MAN1A1: variants seen among roughly 807,000 people sequenced by gnomAD.
MAN1A1 encodes mannosyl-oligosaccharide 1,2-alpha-mannosidase IA.
MAN1A1 carries 29 observed loss-of-function variants against 70.8 expected under a neutral mutation model. The ratio of observed to expected loss-of-function variants is 0.41; its 90% CI spans 0.31 to 0.56. The LOEUF (loss-of-function observed/expected upper bound fraction) is 0.56. Ranked by LOEUF, MAN1A1 falls within the 20% of genes least tolerant of loss-of-function variation. The pLI is 0.29. For synonymous variants in MAN1A1, 349 were observed against 330.1 expected (o/e 1.06, Z -0.62); for missense variants, 747 against 841.3 (o/e 0.89, Z 1.39).
intron 2 of MAN1A1, among the ~76,000 whole-genome samples, chr6:119,308,373 T>A (rs557557369): frequency 1.2e-4 from 18 of 152,320 alleles, no homozygotes; most frequent in African/African-American, 4.3e-4. Context: ...ATGGTAGTGT[T>A]TTCAGGATTT....
At chr6:119,205,915 GAAC>G (rs377267200) in intron 6 of MAN1A1, among the ~76,000 whole-genome samples, 5 of 152,322 alleles carry the variant, frequency 3.3e-5, no homozygotes, top group Non-Finnish European at 7.3e-5. Flanking sequence ...TGCAATGACA[GAAC>G]AAGAACTAAG....
At chr6:119,314,616 C>G (rs1221579741) in intron 2 of MAN1A1, among the ~76,000 whole-genome samples, 1 of 152,132 alleles carries the variant, frequency 6.6e-6, no homozygotes, top group African/African-American at 2.4e-5. Flanking sequence ...CACTTTTTTG[C>G]TGCTTGCAAA....
At chr6:119,322,667 T>C (rs984905642) in intron 2 of MAN1A1, among the ~76,000 whole-genome samples, 3 of 152,234 alleles carry the variant, frequency 2.0e-5, no homozygotes, top group African/African-American at 4.8e-5. Context: ...TCTTCCCCAG[T>C]GTTTAATCCG....
intron 11 of MAN1A1, among the ~76,000 whole-genome samples, chr6:119,185,285 G>A (rs1773256198): frequency 1.3e-5 from 2 of 152,166 alleles, no homozygotes; most frequent in African/African-American, 4.8e-5. Flanking sequence ...GATTAATGGA[G>A]TGCTGTTAAC....
rs373387072 is a variant in MAN1A1, at chr6:119,297,804, G to GTTT, written c.816+4181_816+4183dup. On this transcript the variant is annotated intron_variant, in intron 4 of 12. Coordinates refer to ENST00000368468, the MANE Select transcript of MAN1A1 (RefSeq NM_005907.4). ...GCCCAGGCTGGAGTTTTTTTGTTTTGTTTTGTTTTTTAAATAGAGATGGCG... is the reference window on the plus strand; with the variant it reads ...GCCCAGGCTGGAGTTTTTTTGTTTTGTTTTTTTGTTTTTTAAATAGAGATGGCG... Among the ~76,000 whole-genome samples the GTTT allele has an allele frequency of 1.4e-3, 132 of 94,220 alleles. 1 individual carries two copies. The highest frequency in any genetic ancestry group is 2.0e-3 in the Admixed American group (16 of 7,968). The allele number at this position is 94,220 out of a possible 152,430, so 61.8% of individuals were successfully genotyped here. A position where few individuals can be genotyped will look rare whatever the true frequency, so the allele number is the denominator to read the frequency against.
intron 5 of MAN1A1, among the ~76,000 whole-genome samples, chr6:119,256,764 C>T (rs1775471739): frequency 6.6e-6 from 1 of 152,106 alleles, no homozygotes; most frequent in Admixed American, 6.5e-5. Context: ...AAAATGGGAA[C>T]ACTCGATAAG....
chr6:119,293,253 G>C (rs879933006), intron 4 of MAN1A1, among the ~76,000 whole-genome samples: 1 of 152,072 alleles, frequency 6.6e-6, no homozygotes, highest in Non-Finnish European at 1.5e-5. Flanking sequence ...TATATCTTCA[G>C]CTAGACATCA....
At chr6:119,289,182 G>C (rs1776464942) in intron 5 of MAN1A1, among the ~76,000 whole-genome samples, 2 of 151,842 alleles carry the variant, frequency 1.3e-5, no homozygotes, top group South Asian at 4.1e-4. Context: ...ATTTAGAATA[G>C]ATACATATGT....
chr6:119,342,530 TTAAG>T (rs1218272880), intron 2 of MAN1A1, among the ~76,000 whole-genome samples: 1 of 152,164 alleles, frequency 6.6e-6, no homozygotes, highest in Non-Finnish European at 1.5e-5. Context: ...TTCTGAGAGA[TTAAG>T]TAATTTGCAG....
chr6:119,279,709 TC>T (rs1307332042), intron 5 of MAN1A1, among the ~76,000 whole-genome samples: 3 of 152,224 alleles, frequency 2.0e-5, no homozygotes, highest in Non-Finnish European at 2.9e-5. Flanking sequence ...CTACTTGTAT[TC>T]CTACCTTCTC....
At chr6:119,340,131 G>A (rs1302913372) in intron 2 of MAN1A1, among the ~76,000 whole-genome samples, 1 of 152,106 alleles carries the variant, frequency 6.6e-6, no homozygotes, top group Non-Finnish European at 1.5e-5. Flanking sequence ...AGGAAACACT[G>A]GTGGTGAATT....
chr6:119,224,302 C>T lies in MAN1A1; in HGVS notation c.993-19420G>A, dbSNP rs576307701. Among the ~76,000 whole-genome samples the T allele has an allele frequency of 9.2e-5, 14 of 152,314 alleles. No individual in the cohort carries two copies. The East Asian group carries it at 2.5e-3, about 27-fold the overall frequency. On this transcript the variant is annotated intron_variant, in intron 6 of 12. Transcript: ENST00000368468. ...TAGACTGAGTACTCCTGAATCCATG[C>T]TCTACTCAGGATACAGGAAGCGAAA...
chr6:119,324,752 C>T (rs1450823831), intron 2 of MAN1A1, among the ~76,000 whole-genome samples: 1 of 152,114 alleles, frequency 6.6e-6, no homozygotes, highest in Non-Finnish European at 1.5e-5. Flanking sequence ...ACTCATGATA[C>T]ATGAATATTT....
intron 6 of MAN1A1, among the ~76,000 whole-genome samples, chr6:119,227,086 A>G (rs767206893): frequency 2.0e-5 from 3 of 152,242 alleles, no homozygotes; most frequent in Non-Finnish European, 2.9e-5. Context: ...AATACTACTC[A>G]GCAATATAAA....
intron 5 of MAN1A1, among the ~76,000 whole-genome samples, chr6:119,267,295 A>T (rs1372135420): frequency 6.6e-6 from 1 of 152,166 alleles, no homozygotes; most frequent in East Asian, 1.9e-4. Flanking sequence ...TGTTTACAGC[A>T]GCACTTTCAG....
At chr6:119,216,874 ACAG>A (rs1774220960) in intron 6 of MAN1A1, among the ~76,000 whole-genome samples, 1 of 152,174 alleles carries the variant, frequency 6.6e-6, no homozygotes, top group Non-Finnish European at 1.5e-5. Context: ...TTTGCTGAAA[ACAG>A]AAAGTATCCT....
intron 5 of MAN1A1, among the ~76,000 whole-genome samples, chr6:119,252,911 C>T (rs1237989202): frequency 6.6e-6 from 1 of 152,140 alleles, no homozygotes; most frequent in Admixed American, 6.5e-5. Context: ...GAAGCTGATC[C>T]TCTTACAACT....
intron 2 of MAN1A1, among the ~76,000 whole-genome samples, chr6:119,311,357 T>C (rs1772694834): frequency 6.6e-6 from 1 of 152,176 alleles, no homozygotes. Context: ...TTTATCAATA[T>C]ATACATTTAA....
At chr6:119,185,769 C>T (rs892404761) in intron 11 of MAN1A1, among the ~76,000 whole-genome samples, 4 of 151,136 alleles carry the variant, frequency 2.6e-5, no homozygotes, top group South Asian at 2.1e-4. Context: ...TTAGTAGAGA[C>T]GGGGTTTCAC....
Sources: gnomAD v4.1 joint callset for allele counts (sites outside exome capture counted in the v4.1 genomes callset) on GRCh38, gnomAD v4.1.1 for gene constraint, MANE v1.5 for transcripts, NCBI Gene and HGNC (gene_info 2026-07-23, HGNC 2026-07-21) for gene names.